Variants in ZNF83 observed in about 807,000 individuals in gnomAD.
ZNF83 encodes zinc finger protein 816B.
For synonymous variants in ZNF83, 209 were observed against 213.0 expected, an observed-to-expected ratio of 0.98 and a Z score of 0.17; for missense variants, 552 against 629.9, an observed-to-expected ratio of 0.88 and a Z score of 1.32.
At chr19:52,612,901 C>T (rs2060150311) in exon 3 of ZNF83, 2 of 909,118 alleles carry the variant, frequency 2.2e-6, no homozygotes, top group Non-Finnish European at 3.2e-6. Flanking sequence ...GTTATTAAGC[C>T]TTGAACAAAA....
chr19:52,619,522 A>T (rs903401538), intron 2 of ZNF83, among the ~76,000 whole-genome samples: 1 of 152,072 alleles, frequency 6.6e-6, no homozygotes, highest in African/African-American at 2.4e-5. Flanking sequence ...GCTACTCAGG[A>T]GGCTGAGGCA....
At chr19:52,641,568 T>C (rs1357864806), upstream of ZNF83, among the ~76,000 whole-genome samples, 2 of 152,158 alleles carry the variant, frequency 1.3e-5, no homozygotes, top group Admixed American at 1.3e-4. Context: ...CCATTACACT[T>C]AGTTCTTTTC....
At chr19:52,631,045 T>G (rs1382122669) in intron 2 of ZNF83, among the ~76,000 whole-genome samples, 1 of 147,530 alleles carries the variant, frequency 6.8e-6, no homozygotes, top group Non-Finnish European at 1.5e-5. Flanking sequence ...TTACTATTCC[T>G]TTGCACCCTT....
chr19:52,674,015 CAAAAAAAAA>C (rs67570337), intron 1 of ZNF83, among the ~76,000 whole-genome samples: 1 of 73,064 alleles, frequency 1.4e-5, no homozygotes, highest in African/African-American at 5.2e-5. Flanking sequence ...GACTCCATCT[CAAAAAAAAA>C]AAAAAAAAAA....
upstream of ZNF83, among the ~76,000 whole-genome samples, chr19:52,641,591 G>GT (rs1415974571): frequency 2.6e-5 from 4 of 152,106 alleles, no homozygotes; most frequent in East Asian, 1.9e-4. Flanking sequence ...TTCTTTTACT[G>GT]TTTTTTGAGA....
At chr19:52,613,520 C>G in exon 3 of ZNF83, 1 of 1,614,080 alleles carries the variant, frequency 6.2e-7, no homozygotes, top group South Asian at 1.1e-5. Flanking sequence ...TTGCCACATT[C>G]ATTACATTTG....
intron 3 of ZNF83, chr19:52,652,236 G>C (rs933237745): frequency 1.8e-5 from 4 of 226,558 alleles, no homozygotes; most frequent in African/African-American, 9.5e-5. Flanking sequence ...CAAGAGTTGA[G>C]AGCAACCAGG....
intron 2 of ZNF83, among the ~76,000 whole-genome samples, chr19:52,623,240 C>T (rs1327275872): frequency 1.3e-5 from 2 of 152,176 alleles, no homozygotes; most frequent in Non-Finnish European, 2.9e-5. Flanking sequence ...CCAATTGCCT[C>T]GGAAGCCCTC....
At chr19:52,614,381 T>A in exon 3 of ZNF83, 1 of 1,612,970 alleles carries the variant, frequency 6.2e-7, no homozygotes, top group Non-Finnish European at 8.5e-7. Context: ...GTTTTGACAG[T>A]AGAAGAAATA....
chr19:52,680,605 T>TA (rs1568582595), intron 1 of ZNF83, among the ~76,000 whole-genome samples: 3 of 94,592 alleles, frequency 3.2e-5, no homozygotes, highest in African/African-American at 1.1e-4. Flanking sequence ...TTCCACAAAA[T>TA]ATTTTTTTTT....
intron 1 of ZNF83, among the ~76,000 whole-genome samples, chr19:52,687,928 G>C (rs1292123792): frequency 6.6e-6 from 1 of 151,860 alleles, no homozygotes; most frequent in Non-Finnish European, 1.5e-5. Flanking sequence ...AAAGGGAAGA[G>C]AGTAACTTCC....
chr19:52,642,457 CG>C (rs1246861916), upstream of ZNF83, among the ~76,000 whole-genome samples: 6 of 151,298 alleles, frequency 4.0e-5, no homozygotes, highest in South Asian at 6.3e-4. Context: ...TAGTAAAGAC[CG>C]GGTATCTCCA....
intron 1 of ZNF83, among the ~76,000 whole-genome samples, chr19:52,678,132 C>T (rs563723375): frequency 1.3e-5 from 2 of 151,704 alleles, no homozygotes; most frequent in African/African-American, 4.9e-5. Flanking sequence ...AACAATAATG[C>T]GCTAACTAAA....
At chr19:52,641,422 G>C (rs1185784095), upstream of ZNF83, among the ~76,000 whole-genome samples, 1 of 152,154 alleles carries the variant, frequency 6.6e-6, no homozygotes, top group Non-Finnish European at 1.5e-5. Flanking sequence ...AAATTACATA[G>C]CATGGGTTTT....
intron 2 of ZNF83, among the ~76,000 whole-genome samples, chr19:52,634,287 A>G (rs1486943814): frequency 6.6e-6 from 1 of 151,808 alleles, no homozygotes; most frequent in Non-Finnish European, 1.5e-5. Context: ...AACAACAATA[A>G]TAATAATAAT....
At chr19:52,652,897 G>T in intron 3 of ZNF83, 1 of 1,100,040 alleles carries the variant, frequency 9.1e-7, no homozygotes, top group Non-Finnish European at 1.4e-6. Flanking sequence ...GCACTTGTAA[G>T]GTTTCTCTCC....
chr19:52,631,076 T>TA (rs1217756388), intron 2 of ZNF83, among the ~76,000 whole-genome samples: 1 of 144,128 alleles, frequency 6.9e-6, no homozygotes, highest in East Asian at 2.0e-4. Context: ...TCTCTTCGCT[T>TA]TCACTTGGAC....
intron 1 of ZNF83, among the ~76,000 whole-genome samples, chr19:52,680,238 G>A (rs1386584436): frequency 1.3e-5 from 2 of 152,064 alleles, no homozygotes. Context: ...CACATAACCA[G>A]GCAGAGCCAA....
At chr19:52,655,771 G>T in intron 2 of ZNF83, 1 of 662,794 alleles carries the variant, frequency 1.5e-6, no homozygotes, top group South Asian at 1.9e-5. Context: ...AATAAGTATT[G>T]ATTTGATCCA....
Sources: allele counts gnomAD v4.1 joint callset (sites outside exome capture counted in the v4.1 genomes callset), GRCh38; gene constraint gnomAD v4.1.1; transcripts MANE v1.5; gene names NCBI Gene and HGNC (gene_info 2026-07-23, HGNC 2026-07-21).